The following KLHL1 variants were observed in gnomAD, a reference collection of about 807,000 sequenced individuals.
KLHL1 encodes kelch-like protein 1.
KLHL1 carries 47 observed loss-of-function variants against 77.7 expected under a neutral mutation model. That is an observed-to-expected ratio of 0.60 (90% confidence interval 0.48 to 0.77). The LOEUF (loss-of-function observed/expected upper bound fraction) is 0.77. KLHL1 is among the 30% of genes least tolerant of loss of function. KLHL1 has a pLI of 0.00. For missense variants in KLHL1, 925 were observed against 910.8 expected, an observed-to-expected ratio of 1.02 and a Z score of -0.20; for synonymous variants, 360 against 325.2, an observed-to-expected ratio of 1.11 and a Z score of -1.15.
intron 7 of KLHL1, among the ~76,000 whole-genome samples, chr13:69,741,733 C>T (rs1281809029): frequency 6.6e-6 from 1 of 152,122 alleles, no homozygotes; most frequent in African/African-American, 2.4e-5. Flanking sequence ...TATTTCTCTG[C>T]TTCTTTGAGA....
chr13:69,908,193 A>C (rs749826392), intron 4 of KLHL1, among the ~76,000 whole-genome samples: 1 of 151,900 alleles, frequency 6.6e-6, no homozygotes, highest in Non-Finnish European at 1.5e-5. Flanking sequence ...CAGAGTATAG[A>C]TTTGTAAGAG....
Position 69,719,462 on chromosome 13 carries a change from C to T in KLHL1, c.1922G>A (p.Gly641Glu), listed in dbSNP as rs903420817. Residue 641 changes from glycine to glutamate, a missense_variant, in exon 9 of 11, where the codon GGA becomes GAA. By Grantham distance (98) the Gly-to-Glu change is moderately conservative. Transcript: ENST00000377844. Reference protein sequence around the residue: ...APMCKRRGGVGVATCDGFLYA... With the variant: ...APMCKRRGGVEVATCDGFLYA... ...AAGAAAACCGTCACATGTGGCCACT[C>T]CGACACCCCCTCTCCTCTTACACAT... 6.2e-7 allele frequency: 1 copy of T among 1,613,536 alleles called. No individual in the cohort carries two copies. Among genetic ancestry groups the T allele is most frequent in the Admixed American group, 1.7e-5 (1 of 59,874 alleles).
At chr13:70,070,106 T>C (rs1240550376) in intron 1 of KLHL1, among the ~76,000 whole-genome samples, 2 of 150,588 alleles carry the variant, frequency 1.3e-5, no homozygotes, top group African/African-American at 2.5e-5. Flanking sequence ...AGGCAGAGGT[T>C]GCAGGGAGCC....
At chr13:70,050,876 G>A (rs1165713797) in intron 1 of KLHL1, among the ~76,000 whole-genome samples, 1 of 151,916 alleles carries the variant, frequency 6.6e-6, no homozygotes, top group Admixed American at 6.6e-5. Context: ...ATTTTGTGGT[G>A]ATAATTATGA....
intron 5 of KLHL1, among the ~76,000 whole-genome samples, chr13:69,875,055 G>A (rs1239419244): frequency 1.3e-5 from 2 of 152,078 alleles, no homozygotes; most frequent in African/African-American, 2.4e-5. Flanking sequence ...CTGGGGCACT[G>A]TAACATCAGA....
chr13:69,724,681 A>C (rs1432863136), intron 8 of KLHL1, among the ~76,000 whole-genome samples: 1 of 152,150 alleles, frequency 6.6e-6, no homozygotes, highest in Non-Finnish European at 1.5e-5. Flanking sequence ...ATGCAAGGAT[A>C]GTTCAACAAA....
intron 4 of KLHL1, among the ~76,000 whole-genome samples, chr13:69,921,013 C>T (rs1882614873): frequency 6.6e-6 from 1 of 152,110 alleles, no homozygotes; most frequent in Non-Finnish European, 1.5e-5. Flanking sequence ...ACCAACTTGG[C>T]AGATAAAATG....
At chr13:69,814,470 A>C (rs1878034302) in intron 6 of KLHL1, among the ~76,000 whole-genome samples, 1 of 152,216 alleles carries the variant, frequency 6.6e-6, no homozygotes, top group Non-Finnish European at 1.5e-5. Flanking sequence ...GACAACCTAC[A>C]AAATGGAGAA....
chr13:70,105,852 T>C (rs1209710673), intron 1 of KLHL1, among the ~76,000 whole-genome samples: 3 of 151,146 alleles, frequency 2.0e-5, no homozygotes, highest in Non-Finnish European at 3.0e-5. Flanking sequence ...TTAGGTCTCC[T>C]ATATATGGAA....
chr13:69,714,620 G>A (rs1212630896), intron 9 of KLHL1, among the ~76,000 whole-genome samples: 1 of 150,962 alleles, frequency 6.6e-6, no homozygotes, highest in Non-Finnish European at 1.5e-5. Context: ...TTGAGACAGG[G>A]TCTCACTCTG....
intron 1 of KLHL1, among the ~76,000 whole-genome samples, chr13:70,052,352 A>C (rs1886649665): frequency 6.6e-6 from 1 of 151,904 alleles, no homozygotes; most frequent in Non-Finnish European, 1.5e-5. Context: ...AAAAATATTT[A>C]AGTTATCTAT....
intron 3 of KLHL1, among the ~76,000 whole-genome samples, chr13:69,947,681 T>C (rs1593977270): frequency 6.6e-6 from 1 of 152,182 alleles, no homozygotes; most frequent in East Asian, 1.9e-4. Flanking sequence ...TTTTATTTTC[T>C]AAAACTTGGA....
chr13:69,969,622 C>A (rs745328585), intron 2 of KLHL1, among the ~76,000 whole-genome samples: 5 of 151,902 alleles, frequency 3.3e-5, no homozygotes, highest in Non-Finnish European at 5.9e-5. Context: ...ATCGTGTAAC[C>A]TATATTATTC....
chr13:69,769,815 T>C (rs1875477062), intron 7 of KLHL1, among the ~76,000 whole-genome samples: 1 of 152,116 alleles, frequency 6.6e-6, no homozygotes, highest in South Asian at 2.1e-4. Flanking sequence ...CTCTCCGGTA[T>C]TCACGTACCC....
chr13:70,001,581 G>GTCTATCTATCTA (rs71116971), intron 1 of KLHL1, among the ~76,000 whole-genome samples: 5,127 of 146,686 alleles, frequency 0.035, 122 homozygotes, highest in East Asian at 0.068. Flanking sequence ...TGATCTATGT[G>GTCTATCTATCTA]TCTATCTATC....
intron 3 of KLHL1, among the ~76,000 whole-genome samples, chr13:69,947,238 T>C (rs1883561375): frequency 1.3e-5 from 2 of 152,106 alleles, no homozygotes; most frequent in African/African-American, 4.8e-5. Flanking sequence ...AAAGTGAATA[T>C]TGGATGTGGA....
intron 3 of KLHL1, among the ~76,000 whole-genome samples, chr13:69,953,632 C>T (rs115711072): frequency 6.6e-6 from 1 of 150,376 alleles, no homozygotes; most frequent in Non-Finnish European, 1.5e-5. Flanking sequence ...CATGAATATA[C>T]AATAAAAATC....
intron 5 of KLHL1, among the ~76,000 whole-genome samples, chr13:69,856,887 C>T (rs2325246): frequency 0.29 from 44,407 of 151,756 alleles, 6,846 homozygotes; most frequent in African/African-American, 0.39. Flanking sequence ...TAATCCTTTT[C>T]CCTCCCCAAG....
At chr13:69,807,347 G>T (rs1391498992) in intron 6 of KLHL1, among the ~76,000 whole-genome samples, 1 of 152,102 alleles carries the variant, frequency 6.6e-6, no homozygotes, top group Non-Finnish European at 1.5e-5. Flanking sequence ...GGCAGCAGCT[G>T]CTGCCTAGCC....
Sources: allele counts gnomAD v4.1 joint callset (sites outside exome capture counted in the v4.1 genomes callset), GRCh38; gene constraint gnomAD v4.1.1; transcripts MANE v1.5; gene names NCBI Gene and HGNC (gene_info 2026-07-23, HGNC 2026-07-21).